Variants in TMEM71 observed in about 807,000 individuals in gnomAD.
TMEM71 encodes the protein transmembrane protein 71.
TMEM71 carries 44 observed loss-of-function variants against 38.0 expected under a neutral mutation model. That is an observed-to-expected ratio of 1.16 (90% CI 0.91 to 1.49). The LOEUF is 1.49. Among genes scored for constraint, TMEM71 ranks in the 40% most tolerant of loss-of-function variants. The pLI, the probability that TMEM71 is intolerant of heterozygous loss-of-function variation, is 0.00. For synonymous variants in TMEM71, 133 were observed against 122.5 expected (o/e 1.09, Z -0.56); for missense variants, 367 against 348.6 (o/e 1.05, Z -0.42).
chr8:132,707,411 G>A (rs1034067480), downstream of TMEM71, among the ~76,000 whole-genome samples: 1 of 152,172 alleles, frequency 6.6e-6, no homozygotes, highest in Non-Finnish European at 1.5e-5. Context: ...AATTTCATAT[G>A]TTGGAAACTT....
intron 7 of TMEM71, among the ~76,000 whole-genome samples, chr8:132,716,548 C>A (rs761507609): frequency 3.3e-5 from 5 of 152,148 alleles, no homozygotes; most frequent in African/African-American, 1.2e-4. Context: ...AGTAATATAA[C>A]CCATCTACAT....
chr8:132,774,435 CTGAA>C, the TMEM71 span, among the ~76,000 whole-genome samples: 4 of 152,166 alleles, frequency 2.6e-5, no homozygotes, highest in Admixed American at 2.0e-4. Flanking sequence ...TTAGTAGATG[CTGAA>C]TGAATGTTTG....
chr8:132,706,523 G>T (rs182520213), downstream of TMEM71, among the ~76,000 whole-genome samples: 94 of 152,198 alleles, frequency 6.2e-4, no homozygotes, highest in African/African-American at 2.2e-3. Flanking sequence ...GCATCTTGAT[G>T]AGGTACAAAG....
chr8:132,760,237 A>T (rs1829254850), intron 1 of TMEM71: 1 of 152,220 alleles, frequency 6.6e-6, no homozygotes, highest in African/African-American at 2.4e-5. Context: ...AAGAAACAGA[A>T]TCTGCCAGTT....
rs550198588 is a variant in TMEM71 at position 132,721,642 on chromosome 8, G to A, written c.752+398C>T. On this transcript the variant is annotated intron_variant, in intron 7 of 9. Coordinates refer to ENST00000677595, the MANE Select transcript of TMEM71 (RefSeq NM_001382403.1). The stretch of plus-strand genomic sequence containing the variant: ...GCTCACTGCAACCTCTGCCTCCCGG[G>A]TTCAAGCAATTCTCCTGCCTCAGCC... 4.0e-5 allele frequency among the ~76,000 whole-genome samples: 6 copies of A among 151,636 alleles called. No individual in the cohort carries two copies. In the South Asian group the frequency reaches 1.3e-3, roughly 32 times the overall value.
the TMEM71 span, among the ~76,000 whole-genome samples, chr8:132,766,751 C>A: frequency 6.7e-6 from 1 of 150,098 alleles, no homozygotes; most frequent in African/African-American, 2.5e-5. Context: ...ACATTGCGTA[C>A]CCTAACCCGG....
chr8:132,720,386 T>C (rs573556255), intron 7 of TMEM71, among the ~76,000 whole-genome samples: 8 of 152,320 alleles, frequency 5.3e-5, no homozygotes, highest in Non-Finnish European at 1.2e-4. Context: ...TGCGATCAAC[T>C]TGGAGGTGCG....
chr8:132,748,166 TC>T (rs1828498074), intron 4 of TMEM71, among the ~76,000 whole-genome samples: 1 of 152,244 alleles, frequency 6.6e-6, no homozygotes, highest in African/African-American at 2.4e-5. Flanking sequence ...GGAACAGTTT[TC>T]CCATCACAAA....
chr8:132,753,253 T>C (rs1828823191), intron 3 of TMEM71, among the ~76,000 whole-genome samples: 1 of 152,140 alleles, frequency 6.6e-6, no homozygotes, highest in South Asian at 2.1e-4. Flanking sequence ...TGACAGGCTA[T>C]GGAAATCTGG....
chr8:132,738,674 A>G (rs1008129211), intron 5 of TMEM71, among the ~76,000 whole-genome samples: 3 of 152,098 alleles, frequency 2.0e-5, no homozygotes, highest in Non-Finnish European at 2.9e-5. Flanking sequence ...AATATCTACA[A>G]TTAATATTTC....
chr8:132,721,784 C>T (rs1270729717), intron 7 of TMEM71, among the ~76,000 whole-genome samples: 1 of 152,072 alleles, frequency 6.6e-6, no homozygotes, highest in Non-Finnish European at 1.5e-5. Context: ...GATCCTTCCA[C>T]CTTGGCCTCC....
At chr8:132,764,623 TG>T (rs949612240), upstream of TMEM71, among the ~76,000 whole-genome samples, 5 of 152,220 alleles carry the variant, frequency 3.3e-5, no homozygotes, top group African/African-American at 9.6e-5. Flanking sequence ...TCTCTAGCTT[TG>T]CTCCACCTCA....
chr8:132,752,289 G>A (rs1828759595), intron 3 of TMEM71, among the ~76,000 whole-genome samples: 1 of 152,116 alleles, frequency 6.6e-6, no homozygotes, highest in Admixed American at 6.5e-5. Flanking sequence ...TTAGTCTATT[G>A]TATTTTTTTG....
At chr8:132,739,375 G>A (rs945198297) in intron 5 of TMEM71, among the ~76,000 whole-genome samples, 2 of 152,200 alleles carry the variant, frequency 1.3e-5, no homozygotes, top group East Asian at 1.9e-4. Context: ...GCAGTGGCGC[G>A]GTCTCCGCTC....
In TMEM71 at chr8:132,752,833, AAGG is replaced by A. The variant is rs1828794244; in HGVS notation, c.102-839_102-837del. Among the ~76,000 whole-genome samples, 5 of 16,962 alleles carry A rather than the reference AAGG, an allele frequency of 2.9e-4. No homozygotes were observed. The South Asian group carries it at 8.3e-3, about 28-fold the overall frequency. 11.1% of individuals were successfully genotyped at this position (16,962 alleles called of 152,430 possible). A position where few individuals can be genotyped will look rare whatever the true frequency, so the allele number is the denominator to read the frequency against. The stretch of plus-strand genomic sequence containing the variant: ...AAAGGAAGAAGGGAAGGAAGAAAGG[AAGG>A]AAGGAAGGAAGGAAGGAAGGAAGGA... On this transcript the variant is annotated intron_variant, in intron 3 of 9. Coordinates refer to ENST00000677595, the MANE Select transcript of TMEM71 (RefSeq NM_001382403.1).
chr8:132,729,271 TA>T (rs953353318), intron 5 of TMEM71, among the ~76,000 whole-genome samples: 30 of 152,186 alleles, frequency 2.0e-4, no homozygotes, highest in African/African-American at 6.8e-4. Flanking sequence ...ATGAATGTGT[TA>T]AGAATGCCTT....
chr8:132,765,717 C>T, the TMEM71 span, among the ~76,000 whole-genome samples: 1 of 152,038 alleles, frequency 6.6e-6, no homozygotes, highest in Non-Finnish European at 1.5e-5. Flanking sequence ...AATTCTGGAT[C>T]ATTCCTAGTG....
intron 7 of TMEM71, 92 bp downstream of exon 7, chr8:132,721,948 A>G: frequency 8.9e-7 from 1 of 1,128,844 alleles, no homozygotes; most frequent in Non-Finnish European, 1.4e-6. Context: ...AGCTACCTAA[A>G]ATGTTTTGTG....
At chr8:132,730,722 C>G (rs144864058) in intron 5 of TMEM71, among the ~76,000 whole-genome samples, 116 of 152,254 alleles carry the variant, frequency 7.6e-4, no homozygotes, top group African/African-American at 2.6e-3. Context: ...ACAATTACTT[C>G]TATGGTCCAT....
Sources: allele counts gnomAD v4.1 joint callset (sites outside exome capture counted in the v4.1 genomes callset), GRCh38; gene constraint gnomAD v4.1.1; transcripts MANE v1.5; gene names NCBI Gene and HGNC (gene_info 2026-07-23, HGNC 2026-07-21).